The following ANKRD26 variants were observed in gnomAD, a reference collection of about 807,000 sequenced individuals.
ANKRD26 encodes the protein ankyrin repeat domain-containing protein 26.
ANKRD26 carries 141 observed loss-of-function variants against 208.7 expected under a neutral mutation model. That is an observed-to-expected ratio of 0.68 (90% CI 0.59 to 0.78). The LOEUF is 0.78. Among genes scored for constraint, ANKRD26 ranks in the 30% least tolerant of loss-of-function variants. ANKRD26 has a pLI of 0.00. For missense variants in ANKRD26, 1,889 were observed against 1,938.7 expected (o/e 0.97, Z 0.48); for synonymous variants, 636 against 660.4 (o/e 0.96, Z 0.57).
chr10:27,076,525 A>G (rs963088987), intron 9 of ANKRD26, among the ~76,000 whole-genome samples: 2 of 152,150 alleles, frequency 1.3e-5, no homozygotes, highest in African/African-American at 4.8e-5. Flanking sequence ...TAGGCCTCCC[A>G]AAGTGCTGGG....
At chr10:26,989,349 T>A (rs1022985902), downstream of ANKRD26, among the ~76,000 whole-genome samples, 7 of 152,236 alleles carry the variant, frequency 4.6e-5, no homozygotes, top group Admixed American at 4.6e-4. Context: ...TGTTTTAACA[T>A]TACTAAATCA....
intron 27 of ANKRD26, among the ~76,000 whole-genome samples, chr10:27,024,804 G>A (rs2053606186): frequency 6.6e-6 from 1 of 152,080 alleles, no homozygotes; most frequent in Non-Finnish European, 1.5e-5. Flanking sequence ...AAAATACTAA[G>A]TGTTAATGAA....
chr10:27,005,094 G>C lies in ANKRD26; in HGVS notation c.*496C>G. On this transcript the variant is annotated 3_prime_UTR_variant, in exon 34 of 34. Coordinates refer to ENST00000376087, the MANE Select transcript of ANKRD26 (RefSeq NM_014915.3). ...AAATAAATAAACAAACAGAAAAGGT[G>C]AATCAGGCAAATCTTGTTTCTCCCT... 3.0e-6 allele frequency: 3 copies of C among 984,114 alleles called. No homozygotes were observed. Among genetic ancestry groups the C allele is most frequent in the Non-Finnish European group, 3.6e-6 (3 of 828,746 alleles). The allele number at this position is 984,114 out of a possible 1,614,324, so 61.0% of individuals were successfully genotyped here. A position where few individuals can be genotyped will look rare whatever the true frequency, so the allele number is the denominator to read the frequency against.
chr10:27,051,814 C>T lies in ANKRD26; in HGVS notation c.1635+1506G>A, dbSNP rs1004515864. 3.0e-6 allele frequency: 3 copies of T among 985,202 alleles called. No homozygotes were observed. In the African/African-American group the frequency reaches 5.2e-5, roughly 17 times the overall value. The allele number at this position is 985,202 out of a possible 1,614,324, so 61.0% of individuals were successfully genotyped here. A position where few individuals can be genotyped will look rare whatever the true frequency, so the allele number is the denominator to read the frequency against. On this transcript the variant is annotated intron_variant, in intron 16 of 33. Coordinates refer to ENST00000376087, the MANE Select transcript of ANKRD26 (RefSeq NM_014915.3). Reference sequence around the variant, plus strand: ...GAAGGTATTTCCTTTAAGTTTGTGCCTCCTTTAGAGTTATCATGTAGTGAC... The same window carrying T: ...GAAGGTATTTCCTTTAAGTTTGTGCTTCCTTTAGAGTTATCATGTAGTGAC...
At chr10:27,065,732 C>CAA (rs67274022) in intron 11 of ANKRD26, among the ~76,000 whole-genome samples, 2,532 of 136,948 alleles carry the variant, frequency 0.018, 90 homozygotes, top group East Asian at 0.13. Context: ...TGTCAAAAAA[C>CAA]AAAAAAAAAA....
Position 27,060,565 on chromosome 10 carries a change from T to A in ANKRD26, c.1463-25A>T, listed in dbSNP as rs370800930. On this transcript the variant is annotated intron_variant, in intron 13 of 33. Coordinates refer to ENST00000376087, the MANE Select transcript of ANKRD26 (RefSeq NM_014915.3). ...TCTAAAAACCAAAAGGGACATATAA[T>A]CAATTATACATAAATATGACAAAGT... 104 of 1,452,724 alleles carry A rather than the reference T, an allele frequency of 7.2e-5. No homozygotes were observed. In the Middle Eastern group the frequency reaches 1.2e-3, roughly 17 times the overall value. 90.0% of individuals were successfully genotyped at this position (1,452,724 alleles called of 1,614,324 possible). A position where few individuals can be genotyped will look rare whatever the true frequency, so the allele number is the denominator to read the frequency against.
At chr10:27,061,912 A>G (rs937902853) in intron 12 of ANKRD26, 1 of 974,412 alleles carries the variant, frequency 1.0e-6, no homozygotes. Flanking sequence ...GGAGATATGA[A>G]TCACTGTAGT....
downstream of ANKRD26, among the ~76,000 whole-genome samples, chr10:26,987,344 T>C (rs2052407784): frequency 6.6e-6 from 1 of 152,172 alleles, no homozygotes. Flanking sequence ...GACCAGTTAA[T>C]GGGTGCAGCA....
intron 18 of ANKRD26, among the ~76,000 whole-genome samples, chr10:27,044,784 A>T (rs566570705): frequency 6.6e-6 from 1 of 152,212 alleles, no homozygotes; most frequent in Non-Finnish European, 1.5e-5. Flanking sequence ...AAGTAGGCAC[A>T]GGAAAACCAA....
chr10:27,026,295 T>C (rs2053655001), intron 27 of ANKRD26, among the ~76,000 whole-genome samples: 2 of 152,226 alleles, frequency 1.3e-5, no homozygotes, highest in Non-Finnish European at 2.9e-5. Context: ...CCCATTATTT[T>C]TGAATAAGCT....
intron 4 of ANKRD26, among the ~76,000 whole-genome samples, chr10:26,996,777 G>A (rs1402545545): frequency 6.6e-6 from 1 of 152,188 alleles, no homozygotes; most frequent in East Asian, 1.9e-4. Flanking sequence ...AGTGGGAGAG[G>A]ATGGCCTTAA....
chr10:27,021,651 T>TC (rs2135023337), intron 29 of ANKRD26, among the ~76,000 whole-genome samples: 1 of 152,302 alleles, frequency 6.6e-6, no homozygotes, highest in South Asian at 2.1e-4. Context: ...CTTTTTGCTG[T>TC]CGAGTTGAGT....
downstream of ANKRD26, among the ~76,000 whole-genome samples, chr10:26,990,016 A>G (rs888973974): frequency 2.0e-5 from 3 of 152,168 alleles, no homozygotes; most frequent in African/African-American, 7.2e-5. Flanking sequence ...GCCTCCTGTA[A>G]GGAAGTGAGG....
the ANKRD26 span, among the ~76,000 whole-genome samples, chr10:26,963,791 A>AATAC: frequency 6.6e-6 from 1 of 151,606 alleles, no homozygotes; most frequent in East Asian, 1.9e-4. Flanking sequence ...ATAATACCTA[A>AATAC]TACAATGTAT....
chr10:27,089,752 CT>C (rs1236674309), intron 4 of ANKRD26, among the ~76,000 whole-genome samples: 1 of 152,220 alleles, frequency 6.6e-6, no homozygotes, highest in Non-Finnish European at 1.5e-5. Flanking sequence ...GATCGTGCCC[CT>C]GCACTCCAGC....
chr10:27,047,513 CG>C (rs1344777526), intron 17 of ANKRD26, among the ~76,000 whole-genome samples: 3 of 151,534 alleles, frequency 2.0e-5, no homozygotes, highest in Non-Finnish European at 2.9e-5. Flanking sequence ...CCCAGCTACT[CG>C]GGAAGTTGAG....
chr10:27,037,192 A>G lies in ANKRD26; in HGVS notation c.2691T>C (p.Asn897=). 1.2e-6 allele frequency: 2 copies of G among 1,613,256 alleles called. No individual in the cohort carries two copies. The highest frequency in any genetic ancestry group is 1.7e-6 in the Non-Finnish European group (2 of 1,179,346). Residue 897 remains asparagine, a synonymous_variant, in exon 23 of 34, where the codon AAT becomes AAC. Transcript: ENST00000376087. ...KEIEMAQKKM[N]SENSHSHEEE... ...CTAAAGGAAATAGAAATACCTCAGA[A>G]TTCATTTTCTTTTGAGCCATTTCAA...
rs755065312 is a variant in ANKRD26, at chr10:27,012,894, G to C, written c.4941C>G (p.Asn1647Lys). 3.5e-5 allele frequency: 57 copies of C among 1,613,348 alleles called. No homozygotes were observed. Among genetic ancestry groups the C allele is most frequent in the Non-Finnish European group, 5.1e-6 (6 of 1,179,412 alleles). Reference sequence around the variant, plus strand: ...CAACATAACTAACCTTGCTCAAGTAGTTCTCCATGCTATTATTTGAAGCCC... The same window carrying C: ...CAACATAACTAACCTTGCTCAAGTACTTCTCCATGCTATTATTTGAAGCCC... Reference protein sequence around the residue: ...NPRASNNSMENYLSKMQQELE... With the variant: ...NPRASNNSMEKYLSKMQQELE... Residue 1647 changes from asparagine (N) to lysine (K), a missense_variant, in exon 32 of 34, where the codon AAC becomes AAG. By Grantham distance (94) the Asn-to-Lys change is moderately conservative. Transcript: ENST00000376087.
chr10:27,086,204 C>T (rs113497051), intron 5 of ANKRD26, among the ~76,000 whole-genome samples: 7,390 of 152,072 alleles, frequency 0.049, 220 homozygotes, highest in African/African-American at 0.082. Context: ...TTTTTTATAA[C>T]AAGTCTAGTT....
Sources: allele counts gnomAD v4.1 joint callset (sites outside exome capture counted in the v4.1 genomes callset), GRCh38; gene constraint gnomAD v4.1.1; transcripts MANE v1.5; gene names NCBI Gene and HGNC (gene_info 2026-07-23, HGNC 2026-07-21).